Variants in IGSF10 observed in about 807,000 individuals in gnomAD.
IGSF10 encodes calvaria mechanical force protein 608.
Under a neutral mutation model 128.2 loss-of-function variants are expected in IGSF10, and 126 were observed. The ratio of observed to expected loss-of-function variants is 0.98; its 90% CI spans 0.85 to 1.14. The LOEUF (loss-of-function observed/expected upper bound fraction) is 1.14. Among genes scored for constraint, IGSF10 ranks in the 50% most tolerant of loss-of-function variants. The pLI is 0.00. For missense variants in IGSF10, 3,295 were observed against 3,149.8 expected, an observed-to-expected ratio of 1.05 and a Z score of -1.10; for synonymous variants, 1,185 against 1,146.2, an observed-to-expected ratio of 1.03 and a Z score of -0.68.
At chr3:151,584,936 C>A in the IGSF10 span, among the ~76,000 whole-genome samples, 1 of 152,202 alleles carries the variant, frequency 6.6e-6, no homozygotes, top group African/African-American at 2.4e-5. Context: ...TGTCTGTGTT[C>A]ATTATATCCA....
rs773322613 is a variant in IGSF10, at chr3:151,446,200, G to A, written c.3781C>T (p.Gln1261Ter). ...HFTTLSTSVM[Q>*]IPSNTLTTAH... Reference sequence around the variant, plus strand: ...GTAGTCAAGGTATTAGATGGAATTTGCATCACACTTGTTGAAAGTGTGGTG... The same window carrying A: ...GTAGTCAAGGTATTAGATGGAATTTACATCACACTTGTTGAAAGTGTGGTG... Residue 1261 changes from glutamine (Q) to a stop codon, truncating the protein, a stop_gained, in exon 6 of 8, where the codon CAA becomes TAA. Transcript: ENST00000282466. LOFTEE classifies it high-confidence loss of function. 3 of 1,613,692 alleles carry A rather than the reference G, an allele frequency of 1.9e-6. No individual in the cohort carries two copies. Among genetic ancestry groups the A allele is most frequent in the African/African-American group, 2.7e-5 (2 of 74,922 alleles).
At chr3:151,568,495 G>C in the IGSF10 span, among the ~76,000 whole-genome samples, 1 of 152,176 alleles carries the variant, frequency 6.6e-6, no homozygotes, top group African/African-American at 2.4e-5. Flanking sequence ...CCTGAATCAC[G>C]ATTTGATTTA....
At chr3:151,504,656 TGA>T in the IGSF10 span, among the ~76,000 whole-genome samples, 4 of 152,324 alleles carry the variant, frequency 2.6e-5, no homozygotes, top group South Asian at 2.1e-4. Flanking sequence ...TAAAGCTAGC[TGA>T]CTATTTTAAG....
At chr3:151,497,531 T>C in the IGSF10 span, among the ~76,000 whole-genome samples, 8 of 151,620 alleles carry the variant, frequency 5.3e-5, no homozygotes, top group African/African-American at 1.2e-4. Context: ...TTCCATTGGT[T>C]TATATCTCTG....
At chr3:151,553,577 G>A in the IGSF10 span, among the ~76,000 whole-genome samples, 1 of 151,384 alleles carries the variant, frequency 6.6e-6, no homozygotes, top group Non-Finnish European at 1.5e-5. Context: ...TGTATATCAT[G>A]ACTTCCACTT....
chr3:151,539,842 ATCTG>A, the IGSF10 span, among the ~76,000 whole-genome samples: 15 of 151,162 alleles, frequency 9.9e-5, no homozygotes, highest in Non-Finnish European at 1.8e-4. Flanking sequence ...TCATCTATCT[ATCTG>A]TCTATCTATC....
chr3:151,544,797 T>C, the IGSF10 span, among the ~76,000 whole-genome samples: 1 of 152,108 alleles, frequency 6.6e-6, no homozygotes, highest in Non-Finnish European at 1.5e-5. Context: ...ATCTGAAGAT[T>C]TTTGTGTTTT....
the IGSF10 span, among the ~76,000 whole-genome samples, chr3:151,503,659 G>A: frequency 6.6e-6 from 1 of 152,148 alleles, no homozygotes; most frequent in Non-Finnish European, 1.5e-5. Flanking sequence ...AGATACAGCT[G>A]ACTTATTAAG....
the IGSF10 span, among the ~76,000 whole-genome samples, chr3:151,525,804 G>T: frequency 5.9e-5 from 9 of 152,080 alleles, no homozygotes; most frequent in African/African-American, 2.2e-4. Flanking sequence ...GGCCCACCAG[G>T]GATAATCTCC....
chr3:151,551,369 G>T, the IGSF10 span, among the ~76,000 whole-genome samples: 1 of 151,882 alleles, frequency 6.6e-6, no homozygotes, highest in African/African-American at 2.4e-5. Flanking sequence ...ACATCCTCAG[G>T]TATCACAGTC....
the IGSF10 span, among the ~76,000 whole-genome samples, chr3:151,504,620 T>C: frequency 1.3e-5 from 2 of 152,170 alleles, no homozygotes; most frequent in Admixed American, 6.5e-5. Context: ...CATCTATATA[T>C]AAATAATGTT....
the IGSF10 span, among the ~76,000 whole-genome samples, chr3:151,532,371 C>CA: frequency 1.3e-5 from 2 of 151,844 alleles, no homozygotes; most frequent in Admixed American, 6.6e-5. Context: ...AGACACACAA[C>CA]AAAAAAAGAA....
At chr3:151,439,959 A>C (rs377412520) in intron 7 of IGSF10, among the ~76,000 whole-genome samples, 1 of 152,218 alleles carries the variant, frequency 6.6e-6, no homozygotes, top group African/African-American at 2.4e-5. Flanking sequence ...AGGAAAGTAA[A>C]AACTGTTTTC....
chr3:151,590,187 T>C, the IGSF10 span, among the ~76,000 whole-genome samples: 1 of 152,026 alleles, frequency 6.6e-6, no homozygotes, highest in Non-Finnish European at 1.5e-5. Context: ...TACAGACGCG[T>C]GCCACCACAT....
At chr3:151,474,523 T>C in the IGSF10 span, among the ~76,000 whole-genome samples, 5 of 152,198 alleles carry the variant, frequency 3.3e-5, no homozygotes, top group Admixed American at 6.5e-5. Flanking sequence ...CTCTTTAAAT[T>C]AGGCTACTTT....
the IGSF10 span, among the ~76,000 whole-genome samples, chr3:151,471,727 C>A: frequency 6.6e-6 from 1 of 152,114 alleles, no homozygotes; most frequent in Non-Finnish European, 1.5e-5. Context: ...TTTACTATTG[C>A]AGGTTGCTGT....
chr3:151,574,274 G>C, the IGSF10 span, among the ~76,000 whole-genome samples: 3 of 152,146 alleles, frequency 2.0e-5, no homozygotes, highest in African/African-American at 7.2e-5. Flanking sequence ...GCCTTGCTAG[G>C]TTGGGGAAGT....
intron 7 of IGSF10, 94 bp downstream of exon 7, chr3:151,442,890 T>C: frequency 8.9e-7 from 1 of 1,120,510 alleles, no homozygotes; most frequent in East Asian, 2.4e-5. Flanking sequence ...ACTCTAAAAC[T>C]GCTGCTAGCC....
At chr3:151,509,586 G>A in the IGSF10 span, among the ~76,000 whole-genome samples, 1 of 152,244 alleles carries the variant, frequency 6.6e-6, no homozygotes, top group Non-Finnish European at 1.5e-5. Flanking sequence ...ATTTCCAACT[G>A]AGGTACCGGG....
Sources: allele counts gnomAD v4.1 joint callset (sites outside exome capture counted in the v4.1 genomes callset), GRCh38; gene constraint gnomAD v4.1.1; transcripts MANE v1.5; gene names NCBI Gene and HGNC (gene_info 2026-07-23, HGNC 2026-07-21).